TMEM108: variants seen among roughly 807,000 people sequenced by gnomAD.
TMEM108 encodes the protein transmembrane protein 108.
A neutral mutation model predicts 35.1 loss-of-function variants in TMEM108; 12 were observed. That is an observed-to-expected ratio of 0.34 (90% CI 0.22 to 0.55). TMEM108 has a LOEUF of 0.55. TMEM108 is among the 20% of genes least tolerant of loss of function. The probability of loss-of-function intolerance (pLI) is 0.89; values close to 1 mark genes in which losing one functional copy is unlikely to be tolerated. For synonymous variants in TMEM108, 287 were observed against 308.6 expected, an observed-to-expected ratio of 0.93 and a Z score of 0.73; for missense variants, 680 against 753.3, an observed-to-expected ratio of 0.90 and a Z score of 1.14.
At chr3:133,206,925 G>A (rs1945763823) in intron 2 of TMEM108, among the ~76,000 whole-genome samples, 1 of 152,354 alleles carries the variant, frequency 6.6e-6, no homozygotes, top group East Asian at 1.9e-4. Context: ...CCCAGGTGCT[G>A]TATCCCAGGG....
At chr3:133,103,460 G>A (rs574332437) in intron 2 of TMEM108, among the ~76,000 whole-genome samples, 2 of 152,140 alleles carry the variant, frequency 1.3e-5, no homozygotes, top group South Asian at 4.2e-4. Flanking sequence ...GGAGGGAGAG[G>A]ATCAGGAAAG....
chr3:133,129,613 T>C (rs182946705), intron 2 of TMEM108, among the ~76,000 whole-genome samples: 43 of 152,240 alleles, frequency 2.8e-4, no homozygotes, highest in Admixed American at 2.8e-3. Flanking sequence ...CCTAGGGACT[T>C]TCATTCTCCT....
At chr3:133,203,631 C>A (rs1393039199) in intron 2 of TMEM108, among the ~76,000 whole-genome samples, 1 of 152,152 alleles carries the variant, frequency 6.6e-6, no homozygotes, top group Non-Finnish European at 1.5e-5. Context: ...AGCCTTGCAT[C>A]CCCGGGATGA....
chr3:133,326,793 G>A (rs2071338760), intron 3 of TMEM108, among the ~76,000 whole-genome samples: 1 of 152,158 alleles, frequency 6.6e-6, no homozygotes, highest in Non-Finnish European at 1.5e-5. Context: ...TGTCTTCATC[G>A]ATTACTAACT....
intron 2 of TMEM108, among the ~76,000 whole-genome samples, chr3:133,075,167 C>T (rs1172908009): frequency 2.0e-5 from 3 of 152,162 alleles, no homozygotes; most frequent in African/African-American, 7.2e-5. Context: ...CCTCAAGCTC[C>T]CCTTCCCCAC....
At chr3:133,196,461 G>C (rs1188249786) in intron 2 of TMEM108, among the ~76,000 whole-genome samples, 2 of 152,170 alleles carry the variant, frequency 1.3e-5, no homozygotes, top group Non-Finnish European at 2.9e-5. Flanking sequence ...GATGATGGTG[G>C]CCATGTAGCT....
chr3:133,331,057 A>C (rs2071387605), intron 3 of TMEM108, among the ~76,000 whole-genome samples: 1 of 152,144 alleles, frequency 6.6e-6, no homozygotes. Flanking sequence ...TGTTTGGTGC[A>C]TGGGAGGCTT....
At chr3:133,355,017 G>A (rs572834133) in intron 3 of TMEM108, among the ~76,000 whole-genome samples, 16 of 152,310 alleles carry the variant, frequency 1.1e-4, no homozygotes, top group African/African-American at 3.8e-4. Context: ...GTAGGCAAGT[G>A]TAAAGATACA....
chr3:133,139,360 A>G lies in TMEM108; in HGVS notation c.-46-89906A>G, dbSNP rs549809004. On this transcript the variant is annotated intron_variant, in intron 2 of 5. Transcript: ENST00000321871. The stretch of plus-strand genomic sequence containing the variant: ...TACAAAGAACTTAAACAAATTTGCA[A>G]GAAAAAAACAACCTCTGTTGATTTT... 2.6e-5 allele frequency among the ~76,000 whole-genome samples: 4 copies of G among 152,350 alleles called. 1 individual carries two copies. The highest frequency in any genetic ancestry group is 9.6e-5 in the African/African-American group (4 of 41,580).
rs115621301 is a variant in TMEM108 at position 133,098,021 on chromosome 3, A to G, written c.-47+52001A>G. 2.3e-3 allele frequency among the ~76,000 whole-genome samples: 345 copies of G among 152,316 alleles called. 3 individuals are homozygous for G. Among genetic ancestry groups the G allele is most frequent in the African/African-American group, 7.8e-3 (324 of 41,560 alleles). ...TGAGAATTGCTCAGCCTGGATGGATACTCACCAATAGGATACATTACCTAA... is the reference window on the plus strand; with the variant it reads ...TGAGAATTGCTCAGCCTGGATGGATGCTCACCAATAGGATACATTACCTAA... On this transcript the variant is annotated intron_variant, in intron 2 of 5. Coordinates refer to ENST00000321871, the MANE Select transcript of TMEM108 (RefSeq NM_023943.4).
Position 133,165,405 on chromosome 3 carries a change from A to G in TMEM108, c.-46-63861A>G, listed in dbSNP as rs149202762. 8.1e-3 allele frequency among the ~76,000 whole-genome samples: 1,235 copies of G among 152,346 alleles called. 14 individuals are homozygous for G. Among genetic ancestry groups the G allele is most frequent in the African/African-American group, 0.028 (1,179 of 41,576 alleles). On this transcript the variant is annotated intron_variant, in intron 2 of 5. Coordinates refer to ENST00000321871, the MANE Select transcript of TMEM108 (RefSeq NM_023943.4). ...ATGATTCGAAGTGACAGAGAAGAGC[A>G]TTTTAAAATTATATACTGTAAGACA...
At chr3:133,063,484 G>A (rs1325684866) in intron 2 of TMEM108, among the ~76,000 whole-genome samples, 1 of 152,190 alleles carries the variant, frequency 6.6e-6, no homozygotes, top group Non-Finnish European at 1.5e-5. Context: ...TAGAGGTGGA[G>A]TGAGCAGTGG....
intron 2 of TMEM108, among the ~76,000 whole-genome samples, chr3:133,205,655 T>C (rs1344887155): frequency 2.6e-5 from 4 of 152,246 alleles, no homozygotes; most frequent in Non-Finnish European, 5.9e-5. Context: ...GTAGGGTTTC[T>C]GCTGAAAGAT....
intron 3 of TMEM108, among the ~76,000 whole-genome samples, chr3:133,285,806 C>A (rs573069493): frequency 6.6e-6 from 1 of 152,274 alleles, no homozygotes; most frequent in South Asian, 2.1e-4. Context: ...GCTGCTTCAG[C>A]CCCCATCACT....
chr3:133,084,002 G>A (rs950167119), intron 2 of TMEM108, among the ~76,000 whole-genome samples: 1 of 152,104 alleles, frequency 6.6e-6, no homozygotes, highest in African/African-American at 2.4e-5. Context: ...GTTATAGGGA[G>A]CAGAGATAAG....
chr3:133,265,774 A>G (rs1463074409), intron 3 of TMEM108, among the ~76,000 whole-genome samples: 1 of 152,208 alleles, frequency 6.6e-6, no homozygotes, highest in Non-Finnish European at 1.5e-5. Flanking sequence ...CAGGGAAGCT[A>G]TATACTTTAT....
chr3:133,044,783 A>G (rs1372364293), intron 1 of TMEM108, among the ~76,000 whole-genome samples: 2 of 152,166 alleles, frequency 1.3e-5, no homozygotes, highest in Non-Finnish European at 2.9e-5. Flanking sequence ...GTGAGACTCC[A>G]TCACTATATA....
intron 2 of TMEM108, among the ~76,000 whole-genome samples, chr3:133,202,691 T>C (rs1220718424): frequency 1.3e-5 from 2 of 152,226 alleles, no homozygotes; most frequent in African/African-American, 4.8e-5. Flanking sequence ...TTTTGGTTAC[T>C]GTAGCCTTGT....
At chr3:133,126,069 T>C (rs1351210530) in intron 2 of TMEM108, among the ~76,000 whole-genome samples, 1 of 152,182 alleles carries the variant, frequency 6.6e-6, no homozygotes. Flanking sequence ...TGGGAGAGTA[T>C]AATCTAATAA....
Sources: allele counts gnomAD v4.1 joint callset (sites outside exome capture counted in the v4.1 genomes callset), GRCh38; gene constraint gnomAD v4.1.1; transcripts MANE v1.5; gene names NCBI Gene and HGNC (gene_info 2026-07-23, HGNC 2026-07-21).